The following SAXO1 variants were observed in gnomAD, a reference collection of about 807,000 sequenced individuals.
The protein encoded by SAXO1 is 4930500O09Rik.
A neutral mutation model predicts 17.5 loss-of-function variants in SAXO1; 21 were observed. The ratio of observed to expected loss-of-function variants is 1.20; its 90% CI spans 0.85 to 1.72. The LOEUF is 1.72. Ranked by LOEUF, SAXO1 falls within the 40% of genes most tolerant of loss-of-function variation. The pLI, the probability that SAXO1 is intolerant of heterozygous loss-of-function variation, is 0.00. For missense variants in SAXO1, 843 were observed against 596.0 expected, an observed-to-expected ratio of 1.41 and a Z score of -4.32; for synonymous variants, 274 against 216.5, an observed-to-expected ratio of 1.27 and a Z score of -2.33.
chr9:19,039,466 T>C (rs886495836), intron 1 of SAXO1, among the ~76,000 whole-genome samples: 1 of 152,246 alleles, frequency 6.6e-6, no homozygotes, highest in Non-Finnish European at 1.5e-5. Flanking sequence ...ACCTGTTTTA[T>C]GTACATCTAC....
chr9:19,023,043 G>A lies in SAXO1; in HGVS notation c.38+9828C>T, dbSNP rs922024681. Among the ~76,000 whole-genome samples, 5 of 152,050 alleles carry A rather than the reference G, an allele frequency of 3.3e-5. No homozygotes were observed. The South Asian group carries it at 6.2e-4, about 19-fold the overall frequency. ...GACTCAAGTGTAGGCATCCCAGAAA[G>A]GGCAGAGAGCCTCCCAGAGTATAAG... is the stretch of plus-strand genomic sequence containing the variant. On this transcript the variant is annotated intron_variant, in intron 1 of 3. Coordinates refer to ENST00000380534, the MANE Select transcript of SAXO1 (RefSeq NM_153707.4).
intron 1 of SAXO1, among the ~76,000 whole-genome samples, chr9:19,017,107 G>C (rs1835008967): frequency 6.6e-6 from 1 of 151,984 alleles, no homozygotes; most frequent in South Asian, 2.1e-4. Flanking sequence ...CCAGGAGTTT[G>C]AGACCAGCCT....
intron 1 of SAXO1, among the ~76,000 whole-genome samples, chr9:18,960,334 A>C (rs1832433368): frequency 6.6e-6 from 1 of 152,122 alleles, no homozygotes; most frequent in Non-Finnish European, 1.5e-5. Flanking sequence ...GGGGGAAGGA[A>C]GATACCACTC....
chr9:18,940,463 C>T (rs1831505924), intron 3 of SAXO1, among the ~76,000 whole-genome samples: 1 of 152,222 alleles, frequency 6.6e-6, no homozygotes, highest in Admixed American at 6.5e-5. Flanking sequence ...AGAAACTCAA[C>T]TAAGCACAGG....
chr9:19,044,466 G>A (rs1836154496), intron 1 of SAXO1, among the ~76,000 whole-genome samples: 1 of 152,176 alleles, frequency 6.6e-6, no homozygotes, highest in African/African-American at 2.4e-5. Flanking sequence ...GAGACAAATA[G>A]GATGAGATGG....
intron 1 of SAXO1, among the ~76,000 whole-genome samples, chr9:19,019,119 G>GA (rs558142499): frequency 7.5e-5 from 11 of 145,904 alleles, no homozygotes; most frequent in South Asian, 2.2e-4. Context: ...CAAAAAAAAA[G>GA]AAAAAAAAAA....
intron 1 of SAXO1, among the ~76,000 whole-genome samples, chr9:19,007,044 C>CAAAAAT (rs1415028345): frequency 6.9e-6 from 1 of 143,944 alleles, no homozygotes; most frequent in Non-Finnish European, 1.5e-5. Context: ...GACTCCATCT[C>CAAAAAT]AAAAATAAAA....
chr9:18,935,829 C>G (rs1295152280), intron 3 of SAXO1, among the ~76,000 whole-genome samples: 1 of 152,182 alleles, frequency 6.6e-6, no homozygotes, highest in Non-Finnish European at 1.5e-5. Context: ...GGGATGCACT[C>G]TATTCCCAAT....
At chr9:19,025,101 A>G (rs893503275) in intron 1 of SAXO1, among the ~76,000 whole-genome samples, 1 of 152,266 alleles carries the variant, frequency 6.6e-6, no homozygotes, top group African/African-American at 2.4e-5. Context: ...TGATATCCAA[A>G]AAAGGCCATT....
intron 2 of SAXO1, among the ~76,000 whole-genome samples, chr9:18,943,568 T>C (rs1440704724): frequency 6.6e-6 from 1 of 152,236 alleles, no homozygotes; most frequent in Non-Finnish European, 1.5e-5. Context: ...GGAAAGGGAC[T>C]CTTGGTCAGA....
chr9:18,992,812 AGGCTGGAG>A (rs748995619), intron 1 of SAXO1, among the ~76,000 whole-genome samples: 41 of 152,024 alleles, frequency 2.7e-4, no homozygotes, highest in Non-Finnish European at 4.0e-4. Flanking sequence ...CTTGTTGCCC[AGGCTGGAG>A]TGCAATGGCA....
At chr9:18,946,279 CAAAAAAAAAAAA>C (rs56858815) in intron 2 of SAXO1, among the ~76,000 whole-genome samples, 39 of 34,482 alleles carry the variant, frequency 1.1e-3, no homozygotes, top group Non-Finnish European at 2.6e-3. Context: ...TTCATCTCAC[CAAAAAAAAAAAA>C]AAAAAAAAAA....
chr9:18,996,518 T>C (rs1000093347), intron 1 of SAXO1, among the ~76,000 whole-genome samples: 1 of 152,234 alleles, frequency 6.6e-6, no homozygotes, highest in African/African-American at 2.4e-5. Flanking sequence ...GAAAATACAG[T>C]ATTAAATCTT....
chr9:18,986,835 A>G (rs1406767502), intron 1 of SAXO1, among the ~76,000 whole-genome samples: 1 of 152,192 alleles, frequency 6.6e-6, no homozygotes, highest in Non-Finnish European at 1.5e-5. Flanking sequence ...CATTTTGACA[A>G]TGTTTTGGGG....
chr9:19,005,490 G>C (rs1243346093), intron 1 of SAXO1, among the ~76,000 whole-genome samples: 5 of 152,150 alleles, frequency 3.3e-5, no homozygotes, highest in Non-Finnish European at 5.9e-5. Flanking sequence ...ATGGTTAAGT[G>C]AGTTTTCAAC....
intron 1 of SAXO1, among the ~76,000 whole-genome samples, chr9:18,984,069 T>A (rs1439370246): frequency 6.6e-6 from 1 of 152,240 alleles, no homozygotes; most frequent in Non-Finnish European, 1.5e-5. Context: ...AGCTCTTGGG[T>A]GACTAAGTGT....
At chr9:19,048,165 C>T (rs1836265410) in intron 1 of SAXO1, among the ~76,000 whole-genome samples, 2 of 152,150 alleles carry the variant, frequency 1.3e-5, no homozygotes, top group Non-Finnish European at 2.9e-5. Flanking sequence ...GTACAGTATA[C>T]ACTTTGATAA....
chr9:18,992,167 G>A (rs1331550072), intron 1 of SAXO1, among the ~76,000 whole-genome samples: 3 of 152,154 alleles, frequency 2.0e-5, no homozygotes, highest in African/African-American at 7.2e-5. Context: ...CTTTCCTGGG[G>A]CTGCCATAAC....
chr9:19,017,588 T>A (rs190050130), intron 1 of SAXO1, among the ~76,000 whole-genome samples: 250 of 152,260 alleles, frequency 1.6e-3, no homozygotes, highest in African/African-American at 5.7e-3. Flanking sequence ...GCCTCTCCTA[T>A]ACCTGTCCAT....
Sources: allele counts gnomAD v4.1 joint callset (sites outside exome capture counted in the v4.1 genomes callset), GRCh38; gene constraint gnomAD v4.1.1; transcripts MANE v1.5; gene names NCBI Gene and HGNC (gene_info 2026-07-23, HGNC 2026-07-21).